Variants in PCBP3 observed in about 807,000 individuals in gnomAD.
PCBP3 encodes poly(rC)-binding protein 3.
PCBP3 carries 25 observed loss-of-function variants against 52.7 expected under a neutral mutation model. The observed-to-expected ratio is 0.47, with a 90% CI of 0.35 to 0.66. The LOEUF is 0.66. Among genes scored for constraint, PCBP3 ranks in the 30% least tolerant of loss-of-function variants. PCBP3 has a pLI of 0.01. For synonymous variants in PCBP3, 162 were observed against 183.0 expected, an observed-to-expected ratio of 0.89 and a Z score of 0.93; for missense variants, 391 against 490.3, an observed-to-expected ratio of 0.80 and a Z score of 1.91.
At chr21:45,660,140 C>T (rs1215403770) in intron 1 of PCBP3, among the ~76,000 whole-genome samples, 3 of 151,416 alleles carry the variant, frequency 2.0e-5, no homozygotes, top group African/African-American at 2.4e-5. Flanking sequence ...TATATGTATA[C>T]ACACACACAT....
In PCBP3 at chr21:45,913,941, C is replaced by A; in HGVS notation, c.601-10C>A. On this transcript the variant is annotated splice_polypyrimidine_tract_variant and intron_variant, in intron 11 of 17. Transcript: ENST00000681687. Reference sequence around the variant, plus strand: ...AACGCTCTCTCTCCCTCTCCTGTCCCTTTTCCTAGTCCCCACCGAAAGGTG... The same window carrying A: ...AACGCTCTCTCTCCCTCTCCTGTCCATTTTCCTAGTCCCCACCGAAAGGTG... The A allele has an allele frequency of 6.2e-7, 1 of 1,608,532 alleles. No homozygotes were observed. The highest frequency in any genetic ancestry group is 8.5e-7 in the Non-Finnish European group (1 of 1,178,072).
At chr21:45,935,545 T>C (rs1356484793) in intron 16 of PCBP3, 1 of 643,726 alleles carries the variant, frequency 1.6e-6, no homozygotes, top group African/African-American at 1.8e-5. Context: ...AAAGGGGACT[T>C]CAGATATTAA....
intron 4 of PCBP3, among the ~76,000 whole-genome samples, chr21:45,790,043 G>A (rs577145736): frequency 2.0e-5 from 3 of 152,350 alleles, no homozygotes; most frequent in Non-Finnish European, 2.9e-5. Context: ...GGGAGGCTGA[G>A]GCAGGAGAAT....
intron 5 of PCBP3, among the ~76,000 whole-genome samples, chr21:45,876,775 A>C (rs1444715415): frequency 6.6e-6 from 1 of 152,158 alleles, no homozygotes; most frequent in African/African-American, 2.4e-5. Context: ...CCCACCCCGC[A>C]CTGTGTTCCC....
rs1447301790 is a variant in PCBP3 at position 45,669,822 on chromosome 21, T to TAC, written c.-200+871_-200+872insCA. Reference sequence around the variant, plus strand: ...GTGTGTGTGTATATATATATATATATATATATATATATATATATATATATC... The same window carrying TAC: ...GTGTGTGTGTATATATATATATATATACATATATATATATATATATATATATC... On this transcript the variant is annotated intron_variant, in intron 2 of 17. Coordinates refer to ENST00000681687, the MANE Select transcript of PCBP3 (RefSeq NM_001384156.1). Among the ~76,000 whole-genome samples the TAC allele has an allele frequency of 2.4e-5, 3 of 127,030 alleles. No homozygotes were observed. The East Asian group carries it at 6.9e-4, about 29-fold the overall frequency. 83.3% of individuals were successfully genotyped at this position (127,030 alleles called of 152,430 possible).
At chr21:45,889,037 C>G (rs1198675395) in intron 5 of PCBP3, among the ~76,000 whole-genome samples, 1 of 152,258 alleles carries the variant, frequency 6.6e-6, no homozygotes, top group Admixed American at 6.5e-5. Flanking sequence ...CTCAATACCA[C>G]TTTGCCATAA....
At chr21:45,687,193 A>G (rs866887865) in intron 2 of PCBP3, among the ~76,000 whole-genome samples, 6 of 152,222 alleles carry the variant, frequency 3.9e-5, no homozygotes, top group Non-Finnish European at 7.3e-5. Flanking sequence ...CCACAACTTT[A>G]AAGTGCTAAA....
intron 4 of PCBP3, among the ~76,000 whole-genome samples, chr21:45,794,928 CAA>C (rs35538325): frequency 1.0e-4 from 10 of 95,760 alleles, no homozygotes; most frequent in Non-Finnish European, 8.7e-5. Context: ...GACTCTGTCT[CAA>C]AAAAAAAAAA....
intron 5 of PCBP3, among the ~76,000 whole-genome samples, chr21:45,891,866 C>T: frequency 6.6e-6 from 1 of 152,226 alleles, no homozygotes; most frequent in Non-Finnish European, 1.5e-5. Context: ...GCCTCTGCGC[C>T]CCTTTGACCT....
chr21:45,774,696 C>T (rs1054183556), intron 4 of PCBP3, among the ~76,000 whole-genome samples: 3 of 151,978 alleles, frequency 2.0e-5, no homozygotes, highest in Non-Finnish European at 4.4e-5. Context: ...TACCACTATG[C>T]TTAGTTTGTT....
chr21:45,913,745 G>T (rs545871118), intron 11 of PCBP3, among the ~76,000 whole-genome samples: 12 of 152,316 alleles, frequency 7.9e-5, no homozygotes, highest in Middle Eastern at 3.4e-3. Flanking sequence ...CCTCTGGAGG[G>T]ACAGGCCATA....
chr21:45,892,502 C>T (rs576194535), intron 5 of PCBP3, among the ~76,000 whole-genome samples: 3 of 127,086 alleles, frequency 2.4e-5, no homozygotes, highest in East Asian at 2.2e-4. Flanking sequence ...TCTCACGGGG[C>T]GTGGAGGGCG....
chr21:45,758,941 C>T (rs1194982816), intron 4 of PCBP3, among the ~76,000 whole-genome samples: 1 of 152,136 alleles, frequency 6.6e-6, no homozygotes, highest in Admixed American at 6.5e-5. Flanking sequence ...ATTTTATCTA[C>T]ATCAATTAAA....
At chr21:45,720,958 G>C (rs1031838306) in intron 2 of PCBP3, among the ~76,000 whole-genome samples, 2 of 152,182 alleles carry the variant, frequency 1.3e-5, no homozygotes, top group African/African-American at 4.8e-5. Context: ...CTGGGTGTGG[G>C]GGCCCTTTCA....
intron 1 of PCBP3, among the ~76,000 whole-genome samples, chr21:45,645,700 A>G (rs8129457): frequency 0.027 from 4,063 of 152,280 alleles, 195 homozygotes; most frequent in African/African-American, 0.093. Context: ...GAACCAATCT[A>G]GCTATTCAGA....
rs1246196766 is a variant in PCBP3 at position 45,917,953 on chromosome 21, G to A, written c.717+324G>A. 2 of 347,816 alleles carry A rather than the reference G, an allele frequency of 5.8e-6. No homozygotes were observed. The highest frequency in any genetic ancestry group is 5.4e-6 in the Non-Finnish European group (1 of 184,674). 21.5% of individuals were successfully genotyped at this position (347,816 alleles called of 1,614,324 possible). A position where few individuals can be genotyped will look rare whatever the true frequency, so the allele number is the denominator to read the frequency against. On this transcript the variant is annotated intron_variant, in intron 13 of 17. Transcript: ENST00000681687. The surrounding 1 kb of genome is among the most constrained non-coding windows in gnomAD (Gnocchi z 5.3). ...CAGGGCAGTGAGGATGTGCTCACCC[G>A]CCACAGGCAGGCGTCAGTGATACTT...
chr21:45,709,371 G>A (rs1163553047), intron 2 of PCBP3, among the ~76,000 whole-genome samples: 1 of 152,164 alleles, frequency 6.6e-6, no homozygotes, highest in African/African-American at 2.4e-5. Context: ...CTAACTGGGT[G>A]CCTCAAATGA....
rs2095819718 is a variant in PCBP3 at position 45,896,129 on chromosome 21, G to A, written c.11-79G>A. 2.2e-6 allele frequency: 3 copies of A among 1,374,976 alleles called. No homozygotes were observed. The South Asian group carries it at 3.9e-5, about 18-fold the overall frequency. 85.2% of individuals were successfully genotyped at this position (1,374,976 alleles called of 1,614,324 possible). A position where few individuals can be genotyped will look rare whatever the true frequency, so the allele number is the denominator to read the frequency against. On this transcript the variant is annotated intron_variant, in intron 5 of 17. Transcript: ENST00000681687. ...CTCCTGCCACCCGGGAGGCCGGAGT[G>A]GGAGCGGCCCAGGACACCCCTGGAT...
chr21:45,798,314 T>C (rs56127133), intron 4 of PCBP3, among the ~76,000 whole-genome samples: 2 of 32,364 alleles, frequency 6.2e-5, no homozygotes, highest in South Asian at 8.7e-4. Flanking sequence ...AGAGTGAATG[T>C]ATGCGTACAT....
Sources: gnomAD v4.1 joint callset for allele counts (sites outside exome capture counted in the v4.1 genomes callset) on GRCh38, gnomAD v4.1.1 for gene constraint, Gnocchi (gnomAD v3.1) non-coding constraint, MANE v1.5 for transcripts, NCBI Gene and HGNC (gene_info 2026-07-23, HGNC 2026-07-21) for gene names.